The following SLC9C1 variants were observed in gnomAD, a reference collection of about 807,000 sequenced individuals.
SLC9C1 encodes sodium/hydrogen exchanger 10.
Under a neutral mutation model 140.9 loss-of-function variants are expected in SLC9C1, and 97 were observed. The observed-to-expected ratio is 0.69, with a 90% CI of 0.58 to 0.82. The LOEUF (loss-of-function observed/expected upper bound fraction) is 0.82. Among genes scored for constraint, SLC9C1 ranks in the 40% least tolerant of loss-of-function variants. The pLI, the probability that SLC9C1 is intolerant of heterozygous loss-of-function variation, is 0.00. For synonymous variants in SLC9C1, 440 were observed against 442.6 expected (o/e 0.99, Z 0.07); for missense variants, 1,340 against 1,389.3 (o/e 0.96, Z 0.56).
At chr3:112,182,718 T>G (rs1391868030) in intron 20 of SLC9C1, among the ~76,000 whole-genome samples, 1 of 152,206 alleles carries the variant, frequency 6.6e-6, no homozygotes, top group Non-Finnish European at 1.5e-5. Context: ...TAACAACACC[T>G]AGATTAATAA....
At chr3:112,206,858 G>A (rs1420868961) in intron 16 of SLC9C1, among the ~76,000 whole-genome samples, 1 of 61,422 alleles carries the variant, frequency 1.6e-5, no homozygotes, top group Non-Finnish European at 3.5e-5. Flanking sequence ...TCGGGGGCTG[G>A]GGGGAGGGAT....
At chr3:112,268,983 G>A (rs1484865771) in intron 7 of SLC9C1, among the ~76,000 whole-genome samples, 1 of 152,154 alleles carries the variant, frequency 6.6e-6, no homozygotes, top group Admixed American at 6.5e-5. Flanking sequence ...AGGTGATTGT[G>A]GGACATGGAT....
At position 112,205,349 on chromosome 3, in the gene SLC9C1, C is replaced by T. The variant is rs144211145; in HGVS notation, c.1987-946G>A. On this transcript the variant is annotated intron_variant, in intron 16 of 28. Coordinates refer to ENST00000305815, the MANE Select transcript of SLC9C1 (RefSeq NM_183061.3). ...ACCTGGGAATCCAACTTACAAGGGA[C>T]GTGAAGGACCTCTTCAAGGAGAACT... 3.9e-3 allele frequency among the ~76,000 whole-genome samples: 590 copies of T among 151,406 alleles called. 8 individuals carry two copies. Among genetic ancestry groups the T allele is most frequent in the East Asian group, 0.026 (135 of 5,124 alleles).
intron 16 of SLC9C1, among the ~76,000 whole-genome samples, chr3:112,205,109 T>A (rs4632516): frequency 0.77 from 116,657 of 151,808 alleles, 45,167 homozygotes; most frequent in East Asian, 0.99. Flanking sequence ...AGGAAGTCAA[T>A]TTGTCCCTGT....
rs372863785 is a variant in SLC9C1, at chr3:112,188,356, G to A, written c.2524-6098C>T. ...ACCCATTAACTCATCATTTACATTA[G>A]GTATTTCTCCTAATGCTATCCCTCC... On this transcript the variant is annotated intron_variant, in intron 20 of 28. Coordinates refer to ENST00000305815, the MANE Select transcript of SLC9C1 (RefSeq NM_183061.3). Among the ~76,000 whole-genome samples, 150 of 152,032 alleles carry A rather than the reference G, an allele frequency of 9.9e-4. 3 individuals are homozygous for A. The East Asian group carries it at 0.013, about 13-fold the overall frequency.
At chr3:112,183,280 T>C (rs2107964609) in intron 20 of SLC9C1, among the ~76,000 whole-genome samples, 1 of 151,892 alleles carries the variant, frequency 6.6e-6, no homozygotes, top group East Asian at 1.9e-4. Flanking sequence ...ATGCTGGTGG[T>C]TGTGTATTGG....
At chr3:112,219,184 G>A (rs1209815724) in intron 14 of SLC9C1, among the ~76,000 whole-genome samples, 2 of 152,072 alleles carry the variant, frequency 1.3e-5, no homozygotes, top group Non-Finnish European at 2.9e-5. Flanking sequence ...ATAGGTCCTG[G>A]TGCTCCTGTT....
chr3:112,287,443 A>G (rs924207704), intron 1 of SLC9C1, among the ~76,000 whole-genome samples: 1 of 152,222 alleles, frequency 6.6e-6, no homozygotes, highest in African/African-American at 2.4e-5. Flanking sequence ...CTAAATTTAT[A>G]TGTGTATATA....
At chr3:112,263,142 G>A (rs2079825167) in intron 9 of SLC9C1, 44 bp from the exon 10 acceptor site, 1 of 1,487,826 alleles carries the variant, frequency 6.7e-7, no homozygotes, top group Non-Finnish European at 9.0e-7. Context: ...TTTCATATGA[G>A]TTTCTTTCCA....
rs1375250171 is a variant in SLC9C1, at chr3:112,169,343, T to A, written c.2920-15A>T. ...ATAAAACATGTCTGGAAAAGAAGGA[T>A]GTAAATTTGATATTTTATTTTGTGC... On this transcript the variant is annotated splice_polypyrimidine_tract_variant and intron_variant, in intron 23 of 28. Transcript: ENST00000305815. 4 of 1,599,088 alleles carry A rather than the reference T, an allele frequency of 2.5e-6. No homozygotes were observed. In the African/African-American group the frequency reaches 5.4e-5, roughly 22 times the overall value.
intron 23 of SLC9C1, among the ~76,000 whole-genome samples, chr3:112,179,163 A>G (rs886815932): frequency 2.6e-5 from 4 of 152,096 alleles, no homozygotes; most frequent in African/African-American, 9.7e-5. Flanking sequence ...GTGTAGGGAA[A>G]CTTCCAGGCA....
rs181433684 is a variant in SLC9C1, at chr3:112,162,659, T to C, written c.3364+4562A>G. ...GTGGATTATCTTTTTGATGTACTGC[T>C]GGATTCATTTTGCCAGTATTTTATT... On this transcript the variant is annotated intron_variant, in intron 26 of 28. Transcript: ENST00000305815. 1.0e-3 allele frequency among the ~76,000 whole-genome samples: 153 copies of C among 152,318 alleles called. 3 individuals are homozygous for C. The East Asian group carries it at 0.013, about 13-fold the overall frequency.
intron 26 of SLC9C1, among the ~76,000 whole-genome samples, chr3:112,163,733 A>T (rs2107897134): frequency 6.6e-6 from 1 of 152,262 alleles, no homozygotes; most frequent in Admixed American, 6.5e-5. Context: ...TGGTGCTGAA[A>T]AAAATGTATA....
chr3:112,225,933 C>G (rs1251760915), intron 13 of SLC9C1, among the ~76,000 whole-genome samples: 1 of 152,080 alleles, frequency 6.6e-6, no homozygotes, highest in Non-Finnish European at 1.5e-5. Flanking sequence ...ATTATTAGAT[C>G]TGAAGGGAGA....
chr3:112,151,938 GC>G lies in SLC9C1; in HGVS notation c.3442del (p.Ala1148ProfsTer22). On this transcript the variant is annotated frameshift_variant, in exon 28 of 29. Transcript: ENST00000305815. LOFTEE classifies it high-confidence loss of function. ...KEDGAHSAAT[A>X]RSPQPCSLLG... ...CAGGGAGCAAGGCTGGGGACTCCTG[GC>G]AGTGGCGGCACTGTGTGCTCCATCC... The G allele has an allele frequency of 1.2e-6, 2 of 1,604,060 alleles. No individual in the cohort carries two copies. The highest frequency in any genetic ancestry group is 1.7e-6 in the Non-Finnish European group (2 of 1,177,188).
chr3:112,238,814 G>C (rs1350756416), intron 12 of SLC9C1, among the ~76,000 whole-genome samples: 1 of 152,168 alleles, frequency 6.6e-6, no homozygotes, highest in Non-Finnish European at 1.5e-5. Context: ...TTGTTCCTCT[G>C]GAGGTTTCCT....
chr3:112,167,544 T>G (rs1050898106), intron 25 of SLC9C1, among the ~76,000 whole-genome samples, 197 bp from the exon 26 acceptor site: 4 of 152,110 alleles, frequency 2.6e-5, no homozygotes, highest in African/African-American at 9.7e-5. Context: ...CCATATACAT[T>G]CATTGATTTT....
intron 28 of SLC9C1, among the ~76,000 whole-genome samples, chr3:112,150,830 ATATATATATATT>A (rs1560003562): frequency 2.1e-3 from 82 of 38,890 alleles, no homozygotes; most frequent in East Asian, 0.018. Context: ...ACATATATAT[ATATATATATATT>A]TTTTTTTTTT....
chr3:112,211,775 TG>T (rs1177786696), intron 15 of SLC9C1, among the ~76,000 whole-genome samples: 2 of 152,200 alleles, frequency 1.3e-5, no homozygotes, highest in Non-Finnish European at 2.9e-5. Flanking sequence ...ACTCCACCTC[TG>T]GGGGCAGGGC....
Sources: allele counts gnomAD v4.1 joint callset (sites outside exome capture counted in the v4.1 genomes callset), GRCh38; gene constraint gnomAD v4.1.1; transcripts MANE v1.5; gene names NCBI Gene and HGNC (gene_info 2026-07-23, HGNC 2026-07-21).